The following ERAP1 variants were observed in gnomAD, a reference collection of about 807,000 sequenced individuals.
The protein encoded by ERAP1 is adipocyte-derived leucine aminopeptidase.
ERAP1 carries 86 observed loss-of-function variants against 103.7 expected under a neutral mutation model. The observed-to-expected ratio is 0.83, with a 90% CI of 0.70 to 0.99. ERAP1 has a LOEUF of 0.99. ERAP1 is among the 50% of genes least tolerant of loss of function. ERAP1 has a pLI of 0.00. For missense variants in ERAP1, 1,009 were observed against 1,128.4 expected (o/e 0.89, Z 1.52); for synonymous variants, 398 against 402.4 (o/e 0.99, Z 0.13).
At chr5:96,765,351 A>G in intron 19 of ERAP1, 1 of 815,932 alleles carries the variant, frequency 1.2e-6, no homozygotes, top group South Asian at 1.7e-5. Context: ...AAAAAAAAAA[A>G]AATTCACTAA....
At chr5:96,903,234 A>G in the ERAP1 span, 1 of 607,950 alleles carries the variant, frequency 1.6e-6, no homozygotes, top group Non-Finnish European at 2.7e-6. Context: ...CCAGTGAACT[A>G]CGAAAATGAA....
At chr5:96,922,664 C>T in the ERAP1 span, among the ~76,000 whole-genome samples, 2 of 152,140 alleles carry the variant, frequency 1.3e-5, no homozygotes, top group African/African-American at 2.4e-5. Context: ...AGACAGAGCT[C>T]GCAGTTGTCA....
chr5:96,844,150 T>C, the ERAP1 span, among the ~76,000 whole-genome samples: 1 of 152,178 alleles, frequency 6.6e-6, no homozygotes, highest in Non-Finnish European at 1.5e-5. Flanking sequence ...CTGTGCTAGG[T>C]GAGGGGGCCT....
intron 5 of ERAP1, among the ~76,000 whole-genome samples, chr5:96,794,659 T>G (rs762820824): frequency 6.6e-6 from 1 of 152,198 alleles, no homozygotes; most frequent in Non-Finnish European, 1.5e-5. Flanking sequence ...AAATTCAGAT[T>G]GTCTTACACT....
the ERAP1 span, among the ~76,000 whole-genome samples, chr5:96,841,595 G>C: frequency 6.6e-6 from 1 of 152,122 alleles, no homozygotes; most frequent in African/African-American, 2.4e-5. Flanking sequence ...TTCCTGCAAG[G>C]GAAATTTCAG....
chr5:96,788,637 T>G lies in ERAP1; in HGVS notation c.1573A>C (p.Thr525Pro). Residue 525 changes from threonine to proline, a missense_variant, in exon 11 of 19, where the codon ACA becomes CCA. Physicochemically the swap from Thr to Pro is conservative, Grantham distance 38. This residue lies in a region of ERAP1 where 611 missense variants were observed against 651.7 expected (regional missense o/e 0.94). Coordinates refer to ENST00000443439, the MANE Select transcript of ERAP1 (RefSeq NM_001040458.3). ...ATTAGGGGAAAACCCTTCTGCAGTGTCCAAGTGTTCATCATGGTTTTCACA... is the reference window on the plus strand; with the variant it reads ...ATTAGGGGAAAACCCTTCTGCAGTGGCCAAGTGTTCATCATGGTTTTCACA... ...VDVKTMMNTW[T>P]LQKGFPLITI... The G allele has an allele frequency of 6.2e-7, 1 of 1,614,194 alleles. No individual in the cohort carries two copies. The highest frequency in any genetic ancestry group is 8.5e-7 in the Non-Finnish European group (1 of 1,180,036).
chr5:96,857,656 C>G, the ERAP1 span, among the ~76,000 whole-genome samples: 1 of 152,212 alleles, frequency 6.6e-6, no homozygotes, highest in Non-Finnish European at 1.5e-5. Context: ...AGTTTCAAAT[C>G]TAGGCAGTCT....
chr5:96,799,270 A>G (rs192900039), intron 3 of ERAP1, among the ~76,000 whole-genome samples: 260 of 152,256 alleles, frequency 1.7e-3, no homozygotes, highest in Non-Finnish European at 3.2e-3. Context: ...AAAAGCTTCA[A>G]TGTTCCAATG....
At chr5:96,867,298 T>C in the ERAP1 span, among the ~76,000 whole-genome samples, 6 of 151,846 alleles carry the variant, frequency 4.0e-5, no homozygotes, top group Non-Finnish European at 7.4e-5. Context: ...TGAACCACCG[T>C]GCTGGGCTTC....
chr5:96,764,708 T>TA (rs1411123515), intron 19 of ERAP1, among the ~76,000 whole-genome samples: 1 of 152,174 alleles, frequency 6.6e-6, no homozygotes, highest in Non-Finnish European at 1.5e-5. Flanking sequence ...CTCAAGATCT[T>TA]AGAGTTTTAG....
the ERAP1 span, among the ~76,000 whole-genome samples, chr5:96,898,572 C>CAA: frequency 0.036 from 3,360 of 94,422 alleles, 151 homozygotes; most frequent in East Asian, 0.14. Context: ...TACTAAAATA[C>CAA]AAAAAAAAAA....
In ERAP1 at chr5:96,775,264, A is replaced by AAAAG. The variant is rs61501216; in HGVS notation, c.*1128_*1131dup. ...AAGCAACCGTGTGTGAAGTCTTCAC[A>AAAAG]AAAGAAAGAAAGACTTCAAAGCCAA... On this transcript the variant is annotated 3_prime_UTR_variant, in exon 19 of 19. Transcript: ENST00000443439. 11 of 984,810 alleles carry AAAAG rather than the reference A, an allele frequency of 1.1e-5. No individual in the cohort carries two copies. The highest frequency in any genetic ancestry group is 1.3e-5 in the Non-Finnish European group (11 of 829,730). 61.0% of individuals were successfully genotyped at this position (984,810 alleles called of 1,614,324 possible). A position where few individuals can be genotyped will look rare whatever the true frequency, so the allele number is the denominator to read the frequency against.
At chr5:96,798,708 C>G (rs1360072024) in intron 3 of ERAP1, among the ~76,000 whole-genome samples, 3 of 151,958 alleles carry the variant, frequency 2.0e-5, no homozygotes, top group Admixed American at 6.6e-5. Flanking sequence ...GCCACCTCAC[C>G]TGGCCCTCAT....
At chr5:96,905,666 T>G in the ERAP1 span, among the ~76,000 whole-genome samples, 1 of 152,082 alleles carries the variant, frequency 6.6e-6, no homozygotes, top group Non-Finnish European at 1.5e-5. Context: ...GGCAGATCAC[T>G]TGAAGCCAGG....
exon 20 of ERAP1, chr5:96,762,320 C>T: frequency 6.2e-7 from 1 of 1,608,330 alleles, no homozygotes; most frequent in Non-Finnish European, 8.5e-7. Flanking sequence ...GAAGTGGTTT[C>T]CCAAACCCCA....
chr5:96,845,677 G>A, the ERAP1 span, among the ~76,000 whole-genome samples: 1 of 151,990 alleles, frequency 6.6e-6, no homozygotes, highest in Non-Finnish European at 1.5e-5. Flanking sequence ...ATTATCAGAA[G>A]TACTGCTCAT....
Position 96,797,185 on chromosome 5 carries a change from C to A in ERAP1, c.788G>T (p.Ser263Ile). ...DFESVSKITK[S>I]GVKVSVYAVP... The stretch of plus-strand genomic sequence containing the variant: ...CAGTCATAGGCTCACCTTGACTCCA[C>A]TCTTGGTTATCTTGCTGACAGACTC... The change falls in exon 4 of 19, where the codon AGT becomes ATT. Residue 263 changes from serine (S) to isoleucine (I), a missense_variant. By Grantham distance (142) the Ser-to-Ile change is moderately radical. Transcript: ENST00000443439. 6.2e-7 allele frequency: 1 copy of A among 1,614,166 alleles called. No homozygotes were observed. Among genetic ancestry groups the A allele is most frequent in the Non-Finnish European group, 8.5e-7 (1 of 1,180,034 alleles).
intron 11 of ERAP1, 172 bp from the exon 12 acceptor site, chr5:96,786,721 T>C (rs1364910614): frequency 5.0e-6 from 3 of 594,358 alleles, no homozygotes; most frequent in Non-Finnish European, 9.0e-6. Flanking sequence ...GTAGGGAGTG[T>C]CAGCTCGGGC....
chr5:96,780,490 G>A lies in ERAP1; in HGVS notation c.2603C>T (p.Ser868Leu). The A allele has an allele frequency of 6.2e-7, 1 of 1,612,950 alleles. No individual in the cohort carries two copies. The highest frequency in any genetic ancestry group is 8.5e-7 in the Non-Finnish European group (1 of 1,179,234). ...CATTACCATGTGGGCTATGGAAGAT[G>A]AGCCAAGTTCAAACCTAGAGAGGGA... ...NKLVQKFELG[S>L]SSIAHMVMGT... The change falls in exon 18 of 19, where the codon TCA becomes TTA. Residue 868 changes from serine to leucine, a missense_variant. By Grantham distance (145) the Ser-to-Leu change is moderately radical. This residue lies in a region of ERAP1 where 611 missense variants were observed against 651.7 expected (regional missense o/e 0.94). Coordinates refer to ENST00000443439, the MANE Select transcript of ERAP1 (RefSeq NM_001040458.3).
Sources: gnomAD v4.1 joint callset for allele counts (sites outside exome capture counted in the v4.1 genomes callset) on GRCh38, gnomAD v4.1.1 for gene constraint, gnomAD v4.1.1 regional missense constraint, MANE v1.5 for transcripts, NCBI Gene and HGNC (gene_info 2026-07-23, HGNC 2026-07-21) for gene names.